Variants in SMARCD1 observed in about 807,000 individuals in gnomAD.
SMARCD1 encodes SWI/SNF related BAF chromatin remodeling complex subunit D1.
A neutral mutation model predicts 70.8 loss-of-function variants in SMARCD1; 16 were observed. The observed-to-expected ratio is 0.23, with a 90% CI of 0.15 to 0.34. SMARCD1 has a LOEUF of 0.34. Among genes scored for constraint, SMARCD1 ranks in the 10% least tolerant of loss-of-function variants. The pLI, the probability that SMARCD1 is intolerant of heterozygous loss-of-function variation, is 1.00. For missense variants in SMARCD1, 409 were observed against 655.5 expected, an observed-to-expected ratio of 0.62 and a Z score of 4.11; for synonymous variants, 249 against 246.0, an observed-to-expected ratio of 1.01 and a Z score of -0.11.
At chr12:50,086,471 G>C in intron 2 of SMARCD1, 123 bp downstream of exon 2, 1 of 570,700 alleles carries the variant, frequency 1.8e-6, no homozygotes, top group Non-Finnish European at 2.4e-6. Flanking sequence ...ACTCATCCTT[G>C]AGAATGCTTG....
intron 11 of SMARCD1, among the ~76,000 whole-genome samples, chr12:50,097,869 C>T (rs1442567993): frequency 2.2e-5 from 3 of 136,676 alleles, no homozygotes; most frequent in Non-Finnish European, 4.6e-5. Context: ...CCCAGCCTGG[C>T]TGACAGAGTG....
At chr12:50,090,453 G>T (rs765269137) in intron 8 of SMARCD1, 40 bp from the exon 9 acceptor site, 1 of 1,613,160 alleles carries the variant, frequency 6.2e-7, no homozygotes, top group Non-Finnish European at 8.5e-7. Flanking sequence ...CACTAGTTAT[G>T]CTCAAACTGC....
intron 9 of SMARCD1, among the ~76,000 whole-genome samples, chr12:50,091,534 C>T (rs1415848329): frequency 6.6e-6 from 1 of 152,086 alleles, no homozygotes; most frequent in African/African-American, 2.4e-5. Flanking sequence ...CTTGGCTTCC[C>T]AAAGTGCTGG....
rs559806917 is a variant in SMARCD1, at chr12:50,093,582, C to G, written c.1134-855C>G. On this transcript the variant is annotated intron_variant, in intron 9 of 12. Transcript: ENST00000394963. ...CACTGCATCCTCGACCTCCTGGGCT[C>G]AAGTGATCCTCCCACCTCGCCTCCT... Among the ~76,000 whole-genome samples the G allele has an allele frequency of 7.9e-5, 12 of 152,224 alleles. No homozygotes were observed. The East Asian group carries it at 2.1e-3, about 27-fold the overall frequency.
intron 10 of SMARCD1, 50 bp from the exon 11 acceptor site, chr12:50,096,800 T>G (rs1180302877): frequency 2.5e-6 from 4 of 1,569,470 alleles, no homozygotes. Flanking sequence ...GCCATTTAAC[T>G]TCTCATTTTT....
At chr12:50,088,065 C>T (rs1950807677) in intron 5 of SMARCD1, among the ~76,000 whole-genome samples, 2 of 152,172 alleles carry the variant, frequency 1.3e-5, no homozygotes, top group Non-Finnish European at 2.9e-5. Flanking sequence ...TTGGAATGCA[C>T]TTTTGCAGGA....
intron 9 of SMARCD1, among the ~76,000 whole-genome samples, chr12:50,093,040 G>A (rs527728559): frequency 1.3e-5 from 2 of 152,006 alleles, no homozygotes; most frequent in East Asian, 3.9e-4. Flanking sequence ...GCTGGGCATG[G>A]TGGTGGGCGC....
intron 4 of SMARCD1, 102 bp from the exon 5 acceptor site, chr12:50,087,261 T>C (rs1438364098): frequency 2.2e-6 from 3 of 1,390,320 alleles, no homozygotes; most frequent in Non-Finnish European, 3.0e-6. Flanking sequence ...GGGTAGACAG[T>C]AAGCCAGTCT....
At position 50,086,215 on chromosome 12, in the gene SMARCD1, C is replaced by A. The variant is rs908439045; in HGVS notation, c.232C>A (p.Pro78Thr). 5.0e-6 allele frequency: 8 copies of A among 1,606,346 alleles called. No homozygotes were observed. Among genetic ancestry groups the A allele is most frequent in the Non-Finnish European group, 6.0e-6 (7 of 1,175,496 alleles). Residue 78 changes from proline (P) to threonine (T), a missense_variant, in exon 2 of 13, where the codon CCC becomes ACC. Pro to Thr is a conservative substitution (Grantham distance 38). Around this residue, in one of 2 missense-constraint regions of SMARCD1, gnomAD observed 140 missense variants for 156.9 expected, o/e 0.89. Coordinates refer to ENST00000394963, the MANE Select transcript of SMARCD1 (RefSeq NM_003076.5). ...GACACCTCAGGGACCTTCCATGGGA[C>A]CCCCTGGCTATGGGGGGAACCCTTC... ...RMTPQGPSMG[P>T]PGYGGNPSVR...
At chr12:50,097,866 T>G (rs1292716067) in intron 11 of SMARCD1, among the ~76,000 whole-genome samples, 2 of 133,568 alleles carry the variant, frequency 1.5e-5, no homozygotes, top group African/African-American at 5.9e-5. Context: ...ACTCCCAGCC[T>G]GGCTGACAGA....
At chr12:50,086,547 G>A (rs551676074) in intron 2 of SMARCD1, 74 bp from the exon 3 acceptor site, 1 of 1,454,314 alleles carries the variant, frequency 6.9e-7, no homozygotes, top group African/African-American at 1.4e-5. Flanking sequence ...TACTATAAAT[G>A]GACGTGCTGA....
At chr12:50,085,572 G>A in intron 1 of SMARCD1, 26 bp downstream of exon 1, 1 of 1,226,710 alleles carries the variant, frequency 8.2e-7, no homozygotes, top group Non-Finnish European at 1.0e-6. Flanking sequence ...GGAGGGGCGC[G>A]CGGGCCGGGG....
Position 50,099,444 on chromosome 12 carries a change from C to G in SMARCD1, c.*444C>G. The G allele has an allele frequency of 2.4e-6, 1 of 411,032 alleles. No homozygotes were observed. 25.5% of individuals were successfully genotyped at this position (411,032 alleles called of 1,614,324 possible). A position where few individuals can be genotyped will look rare whatever the true frequency, so the allele number is the denominator to read the frequency against. Reference sequence around the variant, plus strand: ...CACTCTATAAGCTAGTTGATCTTGGCTCTCCTGATAACAGAATCCAATTTC... The same window carrying G: ...CACTCTATAAGCTAGTTGATCTTGGGTCTCCTGATAACAGAATCCAATTTC... On this transcript the variant is annotated 3_prime_UTR_variant, in exon 13 of 13. Coordinates refer to ENST00000394963, the MANE Select transcript of SMARCD1 (RefSeq NM_003076.5).
Position 50,096,894 on chromosome 12 carries a change from G to A in SMARCD1, c.1314G>A (p.Arg438=), listed in dbSNP as rs918082829. The change falls in exon 11 of 13, where the codon CGG becomes CGA. Residue 438 remains arginine, a synonymous_variant. Coordinates refer to ENST00000394963, the MANE Select transcript of SMARCD1 (RefSeq NM_003076.5). Reference sequence around the variant, plus strand: ...CCATCAACCAGCTGAAGACTCAGCGGGAGTTCATGCTGAGCTTTGCCAGAG... The same window carrying A: ...CCATCAACCAGCTGAAGACTCAGCGAGAGTTCATGCTGAGCTTTGCCAGAG... ...IETINQLKTQ[R]EFMLSFARDP... is the part of the protein sequence containing the mutation. 8 of 1,613,532 alleles carry A rather than the reference G, an allele frequency of 5.0e-6. No homozygotes were observed. In the African/African-American group the frequency reaches 1.1e-4, roughly 22 times the overall value.
At chr12:50,090,846 A>G (rs1267077298) in intron 9 of SMARCD1, among the ~76,000 whole-genome samples, 1 of 68,166 alleles carries the variant, frequency 1.5e-5, no homozygotes, top group East Asian at 3.1e-4. Context: ...TTTTTTGGAG[A>G]CAGAGTCTCA....
At chr12:50,091,659 C>G (rs889389063) in intron 9 of SMARCD1, among the ~76,000 whole-genome samples, 3 of 151,994 alleles carry the variant, frequency 2.0e-5, no homozygotes, top group African/African-American at 7.3e-5. Flanking sequence ...TCACTGAAAC[C>G]TCCGCCACCT....
intron 11 of SMARCD1, among the ~76,000 whole-genome samples, chr12:50,097,488 G>A (rs1393301705): frequency 6.6e-6 from 1 of 152,080 alleles, no homozygotes; most frequent in African/African-American, 2.4e-5. Flanking sequence ...GGAAGCAGAG[G>A]TTGCAGTGAG....
intron 9 of SMARCD1, among the ~76,000 whole-genome samples, chr12:50,091,906 C>G (rs1221163210): frequency 2.6e-5 from 4 of 152,148 alleles, no homozygotes; most frequent in Non-Finnish European, 5.9e-5. Context: ...GCCCAAAGAT[C>G]AGCAAATGCC....
At chr12:50,091,426 C>T (rs957962336) in intron 9 of SMARCD1, among the ~76,000 whole-genome samples, 1 of 152,092 alleles carries the variant, frequency 6.6e-6, no homozygotes, top group Admixed American at 6.5e-5. Flanking sequence ...CAGGCATGTG[C>T]CACCATGCCT....
Sources: gnomAD v4.1 joint callset for allele counts (sites outside exome capture counted in the v4.1 genomes callset) on GRCh38, gnomAD v4.1.1 for gene constraint, gnomAD v4.1.1 regional missense constraint, MANE v1.5 for transcripts, NCBI Gene and HGNC (gene_info 2026-07-23, HGNC 2026-07-21) for gene names.